Variants in DICER1 observed in about 807,000 individuals in gnomAD.
DICER1 encodes the protein dicer 1, ribonuclease III, also known as endoribonuclease Dicer.
A neutral mutation model predicts 194.1 loss-of-function variants in DICER1; 43 were observed. The observed-to-expected ratio is 0.22, with a 90% CI of 0.17 to 0.29. The LOEUF (loss-of-function observed/expected upper bound fraction) is 0.29. Among genes scored for constraint, DICER1 ranks in the 10% least tolerant of loss-of-function variants. DICER1 has a pLI of 1.00. For synonymous variants in DICER1, 832 were observed against 820.5 expected (o/e 1.01, Z -0.24); for missense variants, 1,608 against 2,317.0 (o/e 0.69, Z 6.28).
chr14:95,146,651 G>A (rs944382932), intron 1 of DICER1, among the ~76,000 whole-genome samples: 13 of 152,216 alleles, frequency 8.5e-5, no homozygotes, highest in African/African-American at 3.1e-4. Context: ...CCGTAACACA[G>A]GTAGGCTGGG....
At position 95,093,254 on chromosome 14, in the gene DICER1, G is replaced by A. The variant is rs757220218; in HGVS notation, c.5364+634C>T. Among the ~76,000 whole-genome samples, 10 of 152,148 alleles carry A rather than the reference G, an allele frequency of 6.6e-5. 1 individual carries two copies. The highest frequency in any genetic ancestry group is 1.7e-4 in the African/African-American group (7 of 41,458). ...AATGAGAGTCTCTCTGGGGGACACA[G>A]GTATGCAGATGAATGTTAAGAGACT... On this transcript the variant is annotated intron_variant, in intron 24 of 26. Transcript: ENST00000343455.
At chr14:95,140,385 C>T (rs1595488355) in intron 1 of DICER1, among the ~76,000 whole-genome samples, 2 of 152,186 alleles carry the variant, frequency 1.3e-5, no homozygotes, top group Middle Eastern at 6.8e-3. Context: ...GTCACAACGG[C>T]CTACAGTATT....
chr14:95,150,971 C>T (rs1414699591), intron 1 of DICER1, among the ~76,000 whole-genome samples: 1 of 152,180 alleles, frequency 6.6e-6, no homozygotes, highest in Non-Finnish European at 1.5e-5. Flanking sequence ...TCTAGAGATC[C>T]TCCTGCCTTG....
chr14:95,146,485 G>C (rs944350001), intron 1 of DICER1, among the ~76,000 whole-genome samples: 2 of 152,118 alleles, frequency 1.3e-5, no homozygotes, highest in Non-Finnish European at 2.9e-5. Flanking sequence ...ACACAACTTC[G>C]GGTGGGGAAC....
intron 12 of DICER1, 30 bp downstream of exon 12, chr14:95,113,062 G>A: frequency 1.9e-6 from 3 of 1,608,932 alleles, no homozygotes; most frequent in Non-Finnish European, 2.6e-6. Context: ...CATTTTAAAA[G>A]ATAACAATCA....
At position 95,108,307 on chromosome 14, in the gene DICER1, C is replaced by T. The variant is rs560340438; in HGVS notation, c.2436+17G>A. On this transcript the variant is annotated intron_variant, in intron 15 of 26. Transcript: ENST00000343455. Reference sequence around the variant, plus strand: ...GCAAGACGTTTTTGACATAAGTACTCATTATGAAATACCTACCTGAGGTAT... The same window carrying T: ...GCAAGACGTTTTTGACATAAGTACTTATTATGAAATACCTACCTGAGGTAT... The T allele has an allele frequency of 1.9e-5, 31 of 1,608,120 alleles. No individual in the cohort carries two copies. In the South Asian group the frequency reaches 3.0e-4, roughly 15 times the overall value.
chr14:95,094,845 A>C (rs1216562196), intron 23 of DICER1, among the ~76,000 whole-genome samples: 1 of 152,242 alleles, frequency 6.6e-6, no homozygotes, highest in Non-Finnish European at 1.5e-5. Flanking sequence ...GATTAAAATA[A>C]TATATCCAGC....
Position 95,126,656 on chromosome 14 carries a change from T to G in DICER1, c.827A>C (p.Glu276Ala), listed in dbSNP as rs1893486464. ...LYERLLMELE[E>A]ALNFINDCNI... is the part of the protein sequence containing the mutation. ...ACAATCATTGATAAAATTAAGTGCT[T>G]CTTCTAATTCCATCAGCAGTCTTTC... Residue 276 changes from glutamate (E) to alanine (A), a missense_variant, in exon 7 of 27, where the codon GAA becomes GCA. By Grantham distance (107) the Glu-to-Ala change is moderately radical. Transcript: ENST00000343455. 6.3e-7 allele frequency: 1 copy of G among 1,585,070 alleles called. No homozygotes were observed. Among genetic ancestry groups the G allele is most frequent in the South Asian group, 1.1e-5 (1 of 90,448 alleles).
intron 24 of DICER1, 117 bp from the exon 25 acceptor site, chr14:95,091,482 A>C (rs1338019783): frequency 2.2e-6 from 2 of 924,620 alleles, no homozygotes; most frequent in African/African-American, 3.3e-5. Context: ...AAGGGGGGAA[A>C]TACCATTTAT....
intron 1 of DICER1, among the ~76,000 whole-genome samples, chr14:95,152,230 A>G (rs1056409829): frequency 2.0e-5 from 3 of 152,226 alleles, no homozygotes; most frequent in African/African-American, 4.8e-5. Context: ...ATTTTCTCCC[A>G]CGATTCTTAA....
At chr14:95,108,605 A>ATTCTCATCAGCTTT in intron 14 of DICER1, 102 bp from the exon 15 acceptor site, 2 of 1,088,586 alleles carry the variant, frequency 1.8e-6, no homozygotes, top group Non-Finnish European at 2.8e-6. Flanking sequence ...CTAAAAGCTG[A>ATTCTCATCAGCTTT]TGAGAATAAG....
intron 24 of DICER1, among the ~76,000 whole-genome samples, chr14:95,091,766 C>G (rs1408922569): frequency 1.6e-4 from 24 of 152,142 alleles, no homozygotes; most frequent in Admixed American, 1.6e-3. Context: ...TTCAATAGTA[C>G]TAATTGGTCT....
intron 8 of DICER1, among the ~76,000 whole-genome samples, chr14:95,122,535 T>C (rs1242326473): frequency 2.0e-5 from 3 of 152,180 alleles, no homozygotes; most frequent in Non-Finnish European, 2.9e-5. Flanking sequence ...GTTTTTAGTG[T>C]TCTGTGATGC....
chr14:95,108,082 A>G lies in DICER1; in HGVS notation c.2448T>C (p.Phe816=), dbSNP rs1595380895. The G allele has an allele frequency of 6.2e-7, 1 of 1,612,774 alleles. No homozygotes were observed. Among genetic ancestry groups the G allele is most frequent in the Non-Finnish European group, 8.5e-7 (1 of 1,178,832 alleles). The change falls in exon 16 of 27, where the codon TTT becomes TTC. Residue 816 remains phenylalanine (F), a synonymous_variant. Transcript: ENST00000343455. ...CCTCTCCAGAGCGTGTGTACACAGG[A>G]AAGTGTGGAATCTTAGCAAAAGGAA... is the stretch of plus-strand genomic sequence containing the variant. ...TAKPIPQIPH[F]PVYTRSGEVT... is the part of the protein sequence containing the mutation.
Position 95,105,992 on chromosome 14 carries a change from G to A in DICER1, c.2987+49C>T, listed in dbSNP as rs762704783. ...ACCTCTGCATGTCTAGTGATGTCTG[G>A]TAAGAATCCCTCAAGTGCAATCCAA... On this transcript the variant is annotated intron_variant, in intron 18 of 26. Coordinates refer to ENST00000343455, the MANE Select transcript of DICER1 (RefSeq NM_177438.3). This position sits in a 1 kb window ranked among gnomAD's most constrained non-coding sequence, Gnocchi z 4.9. 6.9e-6 allele frequency: 11 copies of A among 1,589,106 alleles called. No homozygotes were observed. The East Asian group carries it at 1.6e-4, about 23-fold the overall frequency.
chr14:95,121,986 C>T (rs1265007501), intron 8 of DICER1, among the ~76,000 whole-genome samples: 1 of 151,960 alleles, frequency 6.6e-6, no homozygotes, highest in African/African-American at 2.4e-5. Context: ...TTTTTCCTCC[C>T]ATTAAACTGA....
At chr14:95,142,741 G>A (rs1256231510) in intron 1 of DICER1, among the ~76,000 whole-genome samples, 1 of 152,048 alleles carries the variant, frequency 6.6e-6, no homozygotes, top group Non-Finnish European at 1.5e-5. Context: ...CTGTTTCATA[G>A]GCCCCTTTAA....
chr14:95,108,497 C>T lies in DICER1; in HGVS notation c.2263G>A (p.Glu755Lys), dbSNP rs1555370957. The T allele has an allele frequency of 1.2e-6, 2 of 1,613,984 alleles. No individual in the cohort carries two copies. The highest frequency in any genetic ancestry group is 1.6e-4 in the Middle Eastern group (1 of 6,084). Residue 755 changes from glutamate (E) to lysine (K), a missense_variant, in exon 15 of 27, where the codon GAG becomes AAG. Glu to Lys is a moderately conservative substitution (Grantham distance 56, BLOSUM62 1). Transcript: ENST00000343455. ...RRQCYPKAIP[E>K]CLRDSYPRPD... ...CTGGGATAACTATCCCTCAAACACT[C>T]TGGAATCTAGAGTTGGAAAGGAAAA...
rs1370568773 is a variant in DICER1 at position 95,106,163 on chromosome 14, G to A, written c.2865C>T (p.Thr955=). 2 of 1,613,774 alleles carry A rather than the reference G, an allele frequency of 1.2e-6. No homozygotes were observed. The highest frequency in any genetic ancestry group is 1.7e-6 in the Non-Finnish European group (2 of 1,179,742). ...FYVADVYTDL[T]PLSKFPSPEY... The stretch of plus-strand genomic sequence containing the variant: ...CAGGGGAAGGAAATTTACTGAGTGG[G>A]GTAAGATCAGTGTACACATCAGCTA... The change falls in exon 18 of 27, where the codon ACC becomes ACT. Residue 955 remains threonine (T), a synonymous_variant. Transcript: ENST00000343455.
Sources: gnomAD v4.1 joint callset for allele counts (sites outside exome capture counted in the v4.1 genomes callset) on GRCh38, gnomAD v4.1.1 for gene constraint, Gnocchi (gnomAD v3.1) non-coding constraint, MANE v1.5 for transcripts, NCBI Gene and HGNC (gene_info 2026-07-23, HGNC 2026-07-21) for gene names.